Variants in JPH1 observed in about 807,000 individuals in gnomAD.
The protein encoded by JPH1 is junctophilin 1.
A neutral mutation model predicts 53.6 loss-of-function variants in JPH1; 12 were observed. The ratio of observed to expected loss-of-function variants is 0.22; its 90% CI spans 0.14 to 0.36. The LOEUF is 0.36. Ranked by LOEUF, JPH1 falls within the 10% of genes least tolerant of loss-of-function variation. The pLI is 1.00. For missense variants in JPH1, 808 were observed against 905.5 expected (o/e 0.89, Z 1.38); for synonymous variants, 375 against 363.8 (o/e 1.03, Z -0.35).
intron 2 of JPH1, among the ~76,000 whole-genome samples, chr8:74,291,533 T>C (rs1391849248): frequency 6.6e-6 from 1 of 152,252 alleles, no homozygotes; most frequent in African/African-American, 2.4e-5. Flanking sequence ...TTGGTGGGAC[T>C]GTAAACTAGT....
intron 2 of JPH1, among the ~76,000 whole-genome samples, chr8:74,302,246 C>T (rs1305520562): frequency 6.6e-6 from 1 of 152,162 alleles, no homozygotes; most frequent in East Asian, 1.9e-4. Context: ...TACATTGTTT[C>T]CTTAGGGAAA....
chr8:74,313,725 T>C (rs555481657), intron 2 of JPH1, among the ~76,000 whole-genome samples: 103 of 152,272 alleles, frequency 6.8e-4, no homozygotes, highest in African/African-American at 2.3e-3. Context: ...TAACATTTTG[T>C]GGTTTCAAAA....
chr8:74,251,262 T>G (rs145452851), intron 3 of JPH1, among the ~76,000 whole-genome samples: 3 of 152,326 alleles, frequency 2.0e-5, no homozygotes, highest in Admixed American at 2.0e-4. Flanking sequence ...CTTTTTTCTA[T>G]ACTTCCTTGG....
chr8:74,239,334 G>A (rs1489584294), intron 4 of JPH1, among the ~76,000 whole-genome samples: 1 of 152,104 alleles, frequency 6.6e-6, no homozygotes, highest in Non-Finnish European at 1.5e-5. Flanking sequence ...AGAGCTCCAT[G>A]CTCTTTTCTC....
Position 74,320,873 on chromosome 8 carries a change from T to C in JPH1, c.379+36A>G. ...CCGGGGCAGAGCCCACCGCACCAGCTCGCGGAGCAGCCGAGCCGCCCGTTA... is the reference window on the plus strand; with the variant it reads ...CCGGGGCAGAGCCCACCGCACCAGCCCGCGGAGCAGCCGAGCCGCCCGTTA... On this transcript the variant is annotated intron_variant, in intron 1 of 5. Coordinates refer to ENST00000342232, the MANE Select transcript of JPH1 (RefSeq NM_020647.4). This position sits in a 1 kb window ranked among gnomAD's most constrained non-coding sequence, Gnocchi z 4.4. The C allele has an allele frequency of 6.8e-7, 1 of 1,477,086 alleles. No individual in the cohort carries two copies. Among genetic ancestry groups the C allele is most frequent in the Non-Finnish European group, 9.0e-7 (1 of 1,115,884 alleles). The allele number at this position is 1,477,086 out of a possible 1,614,324, so 91.5% of individuals were successfully genotyped here.
intron 2 of JPH1, among the ~76,000 whole-genome samples, chr8:74,300,014 A>G (rs1013959619): frequency 6.6e-6 from 1 of 152,266 alleles, no homozygotes; most frequent in Admixed American, 6.5e-5. Context: ...GGAATTAAAC[A>G]GTAGTGACTA....
chr8:74,291,010 C>T (rs575213290), intron 2 of JPH1, among the ~76,000 whole-genome samples: 85 of 152,250 alleles, frequency 5.6e-4, no homozygotes, highest in South Asian at 5.2e-3. Context: ...ACATGTTAGA[C>T]CTAAAACCAT....
intron 2 of JPH1, among the ~76,000 whole-genome samples, chr8:74,262,058 GACC>G (rs1806410985): frequency 6.6e-6 from 1 of 152,144 alleles, no homozygotes; most frequent in South Asian, 2.1e-4. Context: ...TTTCCTATAA[GACC>G]ACACAGCAAA....
chr8:74,287,359 C>CA (rs1192372964), intron 2 of JPH1, among the ~76,000 whole-genome samples: 1 of 150,638 alleles, frequency 6.6e-6, no homozygotes, highest in African/African-American at 2.5e-5. Context: ...ACCTGGGAGG[C>CA]AGAGGTTGCA....
chr8:74,276,866 A>G (rs189101199), intron 2 of JPH1, among the ~76,000 whole-genome samples: 54 of 152,336 alleles, frequency 3.5e-4, no homozygotes, highest in Non-Finnish European at 1.8e-4. Flanking sequence ...TCTCAAATCA[A>G]TATATACAGT....
chr8:74,320,465 G>T lies in JPH1; in HGVS notation c.379+444C>A, dbSNP rs1397066619. 6.6e-6 allele frequency among the ~76,000 whole-genome samples: 1 copy of T among 152,128 alleles called. No homozygotes were observed. The highest frequency in any genetic ancestry group is 2.4e-5 in the African/African-American group (1 of 41,428). On this transcript the variant is annotated intron_variant, in intron 1 of 5. Transcript: ENST00000342232. This position sits in a 1 kb window ranked among gnomAD's most constrained non-coding sequence, Gnocchi z 4.4. ...ATCCCGGGAGCGGTCAGCACGGACCGCCAACCTCACCCGCTCAGGGTGTTC... is the reference window on the plus strand; with the variant it reads ...ATCCCGGGAGCGGTCAGCACGGACCTCCAACCTCACCCGCTCAGGGTGTTC...
intron 2 of JPH1, among the ~76,000 whole-genome samples, chr8:74,289,670 C>A (rs1385830807): frequency 6.6e-6 from 1 of 152,150 alleles, no homozygotes; most frequent in Non-Finnish European, 1.5e-5. Flanking sequence ...CATGGATAAG[C>A]CTTTTGCCCT....
At chr8:74,319,118 T>C (rs1808242079) in intron 1 of JPH1, among the ~76,000 whole-genome samples, 1 of 152,134 alleles carries the variant, frequency 6.6e-6, no homozygotes, top group Non-Finnish European at 1.5e-5. Context: ...TGGAGACTTA[T>C]TTGGGTTTCT....
intron 2 of JPH1, among the ~76,000 whole-genome samples, chr8:74,313,327 T>C (rs561754086): frequency 6.6e-6 from 1 of 152,262 alleles, no homozygotes; most frequent in Admixed American, 6.5e-5. Context: ...GATCCAAAAC[T>C]GTGATCTGAA....
intron 4 of JPH1, among the ~76,000 whole-genome samples, chr8:74,239,349 T>G (rs1386065815): frequency 1.3e-5 from 2 of 152,218 alleles, no homozygotes; most frequent in Non-Finnish European, 2.9e-5. Flanking sequence ...TTTCTCTATA[T>G]GTCTATTAAA....
chr8:74,289,803 C>T lies in JPH1; in HGVS notation c.1139+25058G>A, dbSNP rs140001558. Among the ~76,000 whole-genome samples the T allele has an allele frequency of 3.1e-3, 469 of 152,276 alleles. 2 individuals carry two copies. Among genetic ancestry groups the T allele is most frequent in the African/African-American group, 0.011 (453 of 41,544 alleles). ...AAGGGCTGCTGAATCTTGTTGAAGG[C>T]CTTTTCTGCATCTATTGAGATAATC... On this transcript the variant is annotated intron_variant, in intron 2 of 5. Transcript: ENST00000342232.
intron 2 of JPH1, among the ~76,000 whole-genome samples, chr8:74,296,430 T>G (rs948611143): frequency 1.1e-4 from 17 of 152,220 alleles, no homozygotes; most frequent in Non-Finnish European, 1.5e-5. Context: ...GAAAAATATT[T>G]TATAGCAACT....
At chr8:74,313,302 CT>C (rs1442079168) in intron 2 of JPH1, among the ~76,000 whole-genome samples, 2 of 152,054 alleles carry the variant, frequency 1.3e-5, no homozygotes, top group Non-Finnish European at 2.9e-5. Flanking sequence ...TATAAGCAAA[CT>C]GAAAAGCAAA....
intron 2 of JPH1, among the ~76,000 whole-genome samples, chr8:74,289,781 G>A (rs1011703255): frequency 6.6e-5 from 10 of 152,166 alleles, no homozygotes; most frequent in African/African-American, 2.2e-4. Context: ...TAGCATGAAG[G>A]GCTGCTGAAT....
Sources: allele counts gnomAD v4.1 joint callset (sites outside exome capture counted in the v4.1 genomes callset), GRCh38; gene constraint gnomAD v4.1.1; non-coding constraint Gnocchi (gnomAD v3.1); transcripts MANE v1.5; gene names NCBI Gene and HGNC (gene_info 2026-07-23, HGNC 2026-07-21).